Variants in GABRB1 observed in about 807,000 individuals in gnomAD.
The protein encoded by GABRB1 is gamma-aminobutyric acid type A receptor subunit beta1.
A neutral mutation model predicts 51.6 loss-of-function variants in GABRB1; 17 were observed. The observed-to-expected ratio is 0.33, with a 90% CI of 0.23 to 0.49. The LOEUF is 0.49. Among genes scored for constraint, GABRB1 ranks in the 20% least tolerant of loss-of-function variants. The probability of loss-of-function intolerance (pLI) is 0.99; values close to 1 mark genes in which losing one functional copy is unlikely to be tolerated. For synonymous variants in GABRB1, 247 were observed against 218.9 expected (o/e 1.13, Z -1.14); for missense variants, 410 against 600.6 (o/e 0.68, Z 3.32).
chr4:47,070,845 A>G (rs1727305160), intron 3 of GABRB1, among the ~76,000 whole-genome samples: 1 of 152,136 alleles, frequency 6.6e-6, no homozygotes, highest in Non-Finnish European at 1.5e-5. Flanking sequence ...TAATGGCTTT[A>G]AATACCAACT....
chr4:47,107,683 C>G (rs937034841), intron 3 of GABRB1, among the ~76,000 whole-genome samples: 2 of 151,972 alleles, frequency 1.3e-5, no homozygotes, highest in Non-Finnish European at 2.9e-5. Flanking sequence ...GCCCTTAGAA[C>G]AGTGTTTGGC....
intron 8 of GABRB1, among the ~76,000 whole-genome samples, chr4:47,420,396 G>A (rs1287545430): frequency 6.6e-6 from 1 of 152,148 alleles, no homozygotes. Flanking sequence ...ACTGTGAGGA[G>A]TGGGGAATAA....
At chr4:47,374,611 T>C (rs192971327) in intron 5 of GABRB1, among the ~76,000 whole-genome samples, 1 of 152,314 alleles carries the variant, frequency 6.6e-6, no homozygotes, top group Admixed American at 6.5e-5. Context: ...GTATTGAGCC[T>C]GAATTTTAGC....
At chr4:47,324,870 T>C (rs1210880967) in intron 5 of GABRB1, among the ~76,000 whole-genome samples, 2 of 152,216 alleles carry the variant, frequency 1.3e-5, no homozygotes, top group African/African-American at 4.8e-5. Context: ...CTGGGATTAA[T>C]TGTTAACAGC....
chr4:47,202,156 G>A (rs1023021576), intron 4 of GABRB1, among the ~76,000 whole-genome samples: 2 of 152,042 alleles, frequency 1.3e-5, no homozygotes, highest in African/African-American at 4.8e-5. Context: ...AATCATCGGG[G>A]GCAGTTTCCC....
At chr4:47,333,907 G>A (rs1016039064) in intron 5 of GABRB1, among the ~76,000 whole-genome samples, 2 of 152,170 alleles carry the variant, frequency 1.3e-5, no homozygotes, top group African/African-American at 4.8e-5. Flanking sequence ...CTCCTAGTAC[G>A]TTATTGCATT....
intron 4 of GABRB1, among the ~76,000 whole-genome samples, chr4:47,287,153 T>C (rs1258526886): frequency 6.6e-6 from 1 of 152,098 alleles, no homozygotes; most frequent in Non-Finnish European, 1.5e-5. Flanking sequence ...GAGAGAGATG[T>C]ATGAACATTG....
At chr4:47,078,121 T>C (rs1253845419) in intron 3 of GABRB1, among the ~76,000 whole-genome samples, 1 of 149,496 alleles carries the variant, frequency 6.7e-6, no homozygotes, top group Non-Finnish European at 1.5e-5. Flanking sequence ...TCCTGAGAAG[T>C]TGGGATTACA....
chr4:47,037,291 G>C (rs1725622677), intron 3 of GABRB1, among the ~76,000 whole-genome samples: 1 of 152,170 alleles, frequency 6.6e-6, no homozygotes, highest in Admixed American at 6.5e-5. Flanking sequence ...TCTTGATGCT[G>C]TCAGTAAGTT....
upstream of GABRB1, among the ~76,000 whole-genome samples, chr4:47,026,670 C>T (rs1465962182): frequency 6.6e-6 from 1 of 151,944 alleles, no homozygotes. Flanking sequence ...TCATAAGATT[C>T]TACTTGGATA....
At chr4:47,417,309 A>G (rs1728960109) in intron 8 of GABRB1, among the ~76,000 whole-genome samples, 1 of 151,720 alleles carries the variant, frequency 6.6e-6, no homozygotes. Flanking sequence ...TGAATAATAT[A>G]ATTTATTTGT....
chr4:47,343,484 A>G (rs1725977974), intron 5 of GABRB1, among the ~76,000 whole-genome samples: 2 of 152,210 alleles, frequency 1.3e-5, no homozygotes, highest in African/African-American at 2.4e-5. Context: ...TTTCAAGCCA[A>G]TGAATTCAGT....
chr4:47,365,792 T>C (rs1056229203), intron 5 of GABRB1, among the ~76,000 whole-genome samples: 1 of 152,162 alleles, frequency 6.6e-6, no homozygotes, highest in African/African-American at 2.4e-5. Context: ...GGCCTTCTCC[T>C]GAGCTACACC....
intron 4 of GABRB1, among the ~76,000 whole-genome samples, chr4:47,255,945 G>A (rs1722182136): frequency 6.6e-6 from 1 of 152,172 alleles, no homozygotes; most frequent in South Asian, 2.1e-4. Context: ...AAAGGACACA[G>A]ATCATGGAAT....
chr4:47,065,487 G>A (rs2109535529), intron 3 of GABRB1, among the ~76,000 whole-genome samples: 1 of 152,278 alleles, frequency 6.6e-6, no homozygotes, highest in East Asian at 1.9e-4. Context: ...AAAACATGAA[G>A]GAAGATAAAG....
chr4:47,208,426 A>G (rs1450132754), intron 4 of GABRB1, among the ~76,000 whole-genome samples: 1 of 152,108 alleles, frequency 6.6e-6, no homozygotes, highest in African/African-American at 2.4e-5. Context: ...TGATAGTTGT[A>G]TAACATTGTG....
At chr4:47,237,360 T>C (rs1721366175) in intron 4 of GABRB1, among the ~76,000 whole-genome samples, 1 of 151,998 alleles carries the variant, frequency 6.6e-6, no homozygotes, top group Admixed American at 6.6e-5. Flanking sequence ...ATAAACTATG[T>C]TTCATATTCT....
chr4:47,047,267 C>A (rs1388892429), intron 3 of GABRB1, among the ~76,000 whole-genome samples: 1 of 152,088 alleles, frequency 6.6e-6, no homozygotes, highest in Admixed American at 6.6e-5. Flanking sequence ...ACTCTTCAGG[C>A]TGGAAATATA....
rs995689563 is a variant in GABRB1 at position 47,222,833 on chromosome 4, T to TA, written c.461+61372dup. 1.7e-4 allele frequency among the ~76,000 whole-genome samples: 26 copies of TA among 152,114 alleles called. 1 individual carries two copies. The highest frequency in any genetic ancestry group is 1.3e-3 in the Admixed American group (20 of 15,250). On this transcript the variant is annotated intron_variant, in intron 4 of 8. Coordinates refer to ENST00000295454, the MANE Select transcript of GABRB1 (RefSeq NM_000812.4). ...TTCCTCATCTATAATTTTATCTCTT[T>TA]AAAAAAAATCTGTACTTCAAAGAAC...
Sources: gnomAD v4.1 joint callset for allele counts (sites outside exome capture counted in the v4.1 genomes callset) on GRCh38, gnomAD v4.1.1 for gene constraint, MANE v1.5 for transcripts, NCBI Gene and HGNC (gene_info 2026-07-23, HGNC 2026-07-21) for gene names.